The following RBFOX1 variants were observed in gnomAD, a reference collection of about 807,000 sequenced individuals.
RBFOX1 encodes RNA binding protein fox-1 homolog 1.
Under a neutral mutation model 57.7 loss-of-function variants are expected in RBFOX1, and 8 were observed. That is an observed-to-expected ratio of 0.14 (90% confidence interval 0.08 to 0.25). The LOEUF (loss-of-function observed/expected upper bound fraction) is 0.25. RBFOX1 is among the 10% of genes least tolerant of loss of function. The pLI is 1.00. For missense variants in RBFOX1, 611 were observed against 548.5 expected (o/e 1.11, Z -1.14); for synonymous variants, 326 against 222.4 (o/e 1.47, Z -4.15).
intron 14 of RBFOX1, among the ~76,000 whole-genome samples, chr16:7,684,194 A>G (rs1473345430): frequency 6.6e-6 from 1 of 152,106 alleles, no homozygotes; most frequent in Non-Finnish European, 1.5e-5. Context: ...CATGCATGTA[A>G]GCAGTCACCA....
At chr16:6,902,399 C>T (rs1295657602) in intron 3 of RBFOX1, among the ~76,000 whole-genome samples, 2 of 152,124 alleles carry the variant, frequency 1.3e-5, no homozygotes, top group African/African-American at 2.4e-5. Flanking sequence ...AGAGGAAAGT[C>T]TTCCAGGCCA....
chr16:5,772,632 G>C (rs1019302079), intron 3 of RBFOX1, among the ~76,000 whole-genome samples: 2 of 152,154 alleles, frequency 1.3e-5, no homozygotes, highest in African/African-American at 2.4e-5. Context: ...GGATGGTGGC[G>C]GTGATCTATT....
intron 3 of RBFOX1, among the ~76,000 whole-genome samples, chr16:6,719,094 T>C (rs2065415562): frequency 1.3e-5 from 2 of 152,190 alleles, no homozygotes; most frequent in South Asian, 2.1e-4. Flanking sequence ...CTTGAACTCC[T>C]GGGCTCAAGG....
At chr16:5,747,837 C>T (rs887117125) in intron 3 of RBFOX1, among the ~76,000 whole-genome samples, 1 of 151,938 alleles carries the variant, frequency 6.6e-6, no homozygotes, top group Non-Finnish European at 1.5e-5. Context: ...TCCTGGATTC[C>T]TTGATTTTTT....
At chr16:6,995,623 G>C (rs2092137029) in intron 3 of RBFOX1, among the ~76,000 whole-genome samples, 1 of 152,066 alleles carries the variant, frequency 6.6e-6, no homozygotes, top group South Asian at 2.1e-4. Flanking sequence ...AGCTGGACGT[G>C]GTGGTGCACG....
At chr16:7,489,708 G>A (rs888024785) in intron 4 of RBFOX1, among the ~76,000 whole-genome samples, 8 of 143,402 alleles carry the variant, frequency 5.6e-5, no homozygotes, top group African/African-American at 1.8e-4. Flanking sequence ...TGTAGAGACC[G>A]TTTTTTTTTT....
At chr16:5,251,912 AGTGGG>A (rs1310180167) in intron 1 of RBFOX1, among the ~76,000 whole-genome samples, 1 of 151,876 alleles carries the variant, frequency 6.6e-6, no homozygotes, top group Non-Finnish European at 1.5e-5. Context: ...AAAAAGAAGA[AGTGGG>A]GCTCCTAATA....
At chr16:7,685,295 C>T (rs1401310466) in intron 14 of RBFOX1, among the ~76,000 whole-genome samples, 1 of 152,158 alleles carries the variant, frequency 6.6e-6, no homozygotes, top group Non-Finnish European at 1.5e-5. Flanking sequence ...ACCATTGCCT[C>T]TCTACTCTCC....
At chr16:7,461,354 G>C (rs2059551400) in intron 4 of RBFOX1, among the ~76,000 whole-genome samples, 1 of 152,088 alleles carries the variant, frequency 6.6e-6, no homozygotes. Context: ...TTTTAGTGAA[G>C]ATGGGGTTTC....
intron 3 of RBFOX1, among the ~76,000 whole-genome samples, chr16:5,676,732 C>T (rs888844253): frequency 1.3e-5 from 2 of 152,140 alleles, no homozygotes; most frequent in African/African-American, 4.8e-5. Context: ...TGTGGCAGCA[C>T]ATGCCTGCAA....
chr16:7,278,108 G>A (rs559890279), intron 4 of RBFOX1, among the ~76,000 whole-genome samples: 1 of 152,182 alleles, frequency 6.6e-6, no homozygotes, highest in Non-Finnish European at 1.5e-5. Flanking sequence ...AATCCATAGT[G>A]GTATTTGGCT....
intron 2 of RBFOX1, among the ~76,000 whole-genome samples, chr16:6,392,626 C>T (rs1210879238): frequency 6.6e-6 from 1 of 152,190 alleles, no homozygotes; most frequent in East Asian, 1.9e-4. Flanking sequence ...CACTGAGGAA[C>T]CTTTTCCTGG....
intron 2 of RBFOX1, among the ~76,000 whole-genome samples, chr16:6,322,212 C>A (rs892413522): frequency 1.3e-5 from 2 of 152,292 alleles, no homozygotes; most frequent in African/African-American, 4.8e-5. Flanking sequence ...AGTCTTCATA[C>A]CTAAAGCCAC....
chr16:7,244,994 G>T (rs1421497789), intron 4 of RBFOX1, among the ~76,000 whole-genome samples: 3 of 152,330 alleles, frequency 2.0e-5, no homozygotes, highest in African/African-American at 7.2e-5. Flanking sequence ...TGCCTTCACA[G>T]TGCAGCTGCT....
At chr16:5,476,033 C>G (rs1050937655) in intron 2 of RBFOX1, among the ~76,000 whole-genome samples, 3 of 152,108 alleles carry the variant, frequency 2.0e-5, no homozygotes, top group Admixed American at 2.0e-4. Context: ...CCAAGCAGCT[C>G]ATCCAGGCTC....
intron 2 of RBFOX1, among the ~76,000 whole-genome samples, chr16:5,560,161 T>A (rs976200972): frequency 8.5e-5 from 13 of 152,198 alleles, no homozygotes; most frequent in Non-Finnish European, 5.9e-5. Flanking sequence ...GACAGTCTCT[T>A]TCCCTTGTGC....
rs1022819583 is a variant in RBFOX1 at position 6,874,701 on chromosome 16, C to T, written c.-15-177356C>T. 3.3e-5 allele frequency among the ~76,000 whole-genome samples: 5 copies of T among 151,622 alleles called. No homozygotes were observed. In the East Asian group the frequency reaches 7.8e-4, roughly 24 times the overall value. On this transcript the variant is annotated intron_variant, in intron 3 of 15. Coordinates refer to ENST00000550418, the MANE Select transcript of RBFOX1 (RefSeq NM_018723.4). ...TTGTGTTAATATACTAACATATTCT[C>T]GCTTATAAGTGGGAGCTAAGCTATA...
At chr16:7,408,046 C>T (rs1182432866) in intron 4 of RBFOX1, among the ~76,000 whole-genome samples, 1 of 152,184 alleles carries the variant, frequency 6.6e-6, no homozygotes, top group Non-Finnish European at 1.5e-5. Context: ...ATAACCCTTG[C>T]TTTACACAAC....
At chr16:5,396,546 G>A (rs2066561402) in intron 1 of RBFOX1, among the ~76,000 whole-genome samples, 1 of 152,120 alleles carries the variant, frequency 6.6e-6, no homozygotes, top group South Asian at 2.1e-4. Context: ...GGAGGCTGAG[G>A]CACAAGAATC....
Sources: allele counts gnomAD v4.1 joint callset (sites outside exome capture counted in the v4.1 genomes callset), GRCh38; gene constraint gnomAD v4.1.1; transcripts MANE v1.5; gene names NCBI Gene and HGNC (gene_info 2026-07-23, HGNC 2026-07-21).